JAZF1: variants seen among roughly 807,000 people sequenced by gnomAD.
The protein encoded by JAZF1 is JAZF zinc finger 1, also known as juxtaposed with another zinc finger protein 1.
Under a neutral mutation model 26.4 loss-of-function variants are expected in JAZF1, and 8 were observed. The ratio of observed to expected loss-of-function variants is 0.30; its 90% CI spans 0.18 to 0.55. The LOEUF is 0.55. Among genes scored for constraint, JAZF1 ranks in the 20% least tolerant of loss-of-function variants. The pLI, the probability that JAZF1 is intolerant of heterozygous loss-of-function variation, is 0.94. For missense variants in JAZF1, 199 were observed against 322.0 expected (o/e 0.62, Z 2.92); for synonymous variants, 126 against 122.3 (o/e 1.03, Z -0.20).
chr7:27,971,699 G>A (rs550101255), intron 2 of JAZF1, among the ~76,000 whole-genome samples: 52 of 152,178 alleles, frequency 3.4e-4, no homozygotes, highest in Non-Finnish European at 5.4e-4. Flanking sequence ...GATTACTGCC[G>A]GCAATCTGAA....
At chr7:27,875,776 A>T (rs1037521312) in intron 3 of JAZF1, among the ~76,000 whole-genome samples, 24 of 152,194 alleles carry the variant, frequency 1.6e-4, no homozygotes, top group Non-Finnish European at 2.8e-4. Context: ...ATCTCTGTAC[A>T]TTCATTAGGT....
At chr7:28,076,434 C>A (rs1784052447) in intron 1 of JAZF1, among the ~76,000 whole-genome samples, 1 of 152,088 alleles carries the variant, frequency 6.6e-6, no homozygotes, top group Non-Finnish European at 1.5e-5. Context: ...AGGTTCAATG[C>A]AGGCTAACCA....
intron 3 of JAZF1, among the ~76,000 whole-genome samples, chr7:27,884,638 G>A (rs950754222): frequency 6.6e-6 from 1 of 152,198 alleles, no homozygotes; most frequent in Admixed American, 6.5e-5. Flanking sequence ...GGCTTAACTT[G>A]CTCAGCATAA....
In JAZF1 at chr7:27,831,414, T is replaced by C. The variant is rs1035044845; in HGVS notation, c.*1386A>G. 4.4e-6 allele frequency: 1 copy of C among 228,334 alleles called. No homozygotes were observed. The highest frequency in any genetic ancestry group is 8.7e-6 in the Non-Finnish European group (1 of 114,786). 14.1% of individuals were successfully genotyped at this position (228,334 alleles called of 1,614,324 possible). ...TCTCAAAGCATTTTTTATTGCATTA[T>C]TAGGCAACTGGTAAACTCTCGTGTT... On this transcript the variant is annotated 3_prime_UTR_variant, in exon 5 of 5. Coordinates refer to ENST00000283928, the MANE Select transcript of JAZF1 (RefSeq NM_175061.4).
intron 1 of JAZF1, among the ~76,000 whole-genome samples, chr7:28,065,877 A>AT (rs1783873039): frequency 6.6e-6 from 1 of 152,254 alleles, no homozygotes; most frequent in African/African-American, 2.4e-5. Flanking sequence ...AACAGTGCGC[A>AT]TTTTAGACCT....
intron 3 of JAZF1, chr7:27,843,528 T>C (rs1029370648): frequency 3.3e-5 from 5 of 152,218 alleles, no homozygotes; most frequent in African/African-American, 1.2e-4. Flanking sequence ...TAAAATAAGA[T>C]GATCTTTAGA....
chr7:28,000,622 C>CTTTCTTTTT (rs1279333326), intron 1 of JAZF1, among the ~76,000 whole-genome samples: 2 of 62,072 alleles, frequency 3.2e-5, no homozygotes, highest in African/African-American at 8.2e-5. Context: ...TTCTTTCTTT[C>CTTTCTTTTT]TTTTTTTTTT....
chr7:28,179,558 G>T (rs1783601864), intron 1 of JAZF1, among the ~76,000 whole-genome samples: 1 of 151,682 alleles, frequency 6.6e-6, no homozygotes, highest in Non-Finnish European at 1.5e-5. Context: ...CCGGCCATGG[G>T]CCCTGGGGGT....
intron 1 of JAZF1, among the ~76,000 whole-genome samples, chr7:28,062,207 C>T (rs902323066): frequency 3.3e-5 from 5 of 152,170 alleles, no homozygotes; most frequent in Non-Finnish European, 5.9e-5. Flanking sequence ...TTAATAGCTG[C>T]TCTGTGATAA....
At chr7:28,124,866 C>T (rs983255914) in intron 1 of JAZF1, among the ~76,000 whole-genome samples, 7 of 152,156 alleles carry the variant, frequency 4.6e-5, no homozygotes, top group Non-Finnish European at 7.3e-5. Flanking sequence ...TGTTTAAATG[C>T]AACTACCCAG....
intron 1 of JAZF1, among the ~76,000 whole-genome samples, chr7:28,081,146 C>T (rs552688500): frequency 3.9e-5 from 6 of 152,266 alleles, no homozygotes; most frequent in Admixed American, 3.3e-4. Context: ...CTCAGGGCAG[C>T]GGGGGACATC....
chr7:27,832,897 C>T lies in JAZF1; in HGVS notation c.635G>A (p.Cys212Tyr). The change falls in exon 5 of 5, where the codon TGT becomes TAT. Residue 212 changes from cysteine (C) to tyrosine (Y), a missense_variant. Physicochemically the swap from Cys to Tyr is radical, Grantham distance 194. Transcript: ENST00000283928. ...IRVRKPFKCRCGKSYKTAQGL... is the reference protein window; with the variant it reads ...IRVRKPFKCRYGKSYKTAQGL... ...CTGAGCTGTCTTGTAACTCTTCCCA[C>T]AGCGACACTTGAATGGTTTGCGGAC... 1 of 1,613,640 alleles carries T rather than the reference C, an allele frequency of 6.2e-7. No homozygotes were observed. Among genetic ancestry groups the T allele is most frequent in the Non-Finnish European group, 8.5e-7 (1 of 1,179,816 alleles).
At chr7:27,837,609 G>T (rs563175098) in intron 4 of JAZF1, among the ~76,000 whole-genome samples, 1 of 152,296 alleles carries the variant, frequency 6.6e-6, no homozygotes, top group East Asian at 1.9e-4. Context: ...TATGAGGGGC[G>T]GAGAGGGGAG....
intron 3 of JAZF1, among the ~76,000 whole-genome samples, chr7:27,879,310 AG>A (rs534738610): frequency 1.6e-4 from 24 of 152,148 alleles, no homozygotes; most frequent in Non-Finnish European, 2.6e-4. Context: ...GCTAGCTTCA[AG>A]GGCATGGTTC....
chr7:28,100,412 C>CAT (rs953876835), intron 1 of JAZF1, among the ~76,000 whole-genome samples: 30 of 151,620 alleles, frequency 2.0e-4, no homozygotes, highest in Admixed American at 1.1e-3. Context: ...TCAGGTAGAG[C>CAT]ATATATATAT....
chr7:27,902,837 A>G (rs1429318689), intron 2 of JAZF1, among the ~76,000 whole-genome samples: 1 of 152,096 alleles, frequency 6.6e-6, no homozygotes, highest in Non-Finnish European at 1.5e-5. Flanking sequence ...TAACACAGTG[A>G]AACCCCATCT....
At chr7:27,899,348 A>G (rs1784126633) in intron 2 of JAZF1, among the ~76,000 whole-genome samples, 1 of 152,240 alleles carries the variant, frequency 6.6e-6, no homozygotes, top group South Asian at 2.1e-4. Flanking sequence ...GTTCAGGTTA[A>G]GCAAGTCATG....
chr7:27,905,008 A>C (rs981965662), intron 2 of JAZF1, among the ~76,000 whole-genome samples: 2 of 152,216 alleles, frequency 1.3e-5, no homozygotes, highest in African/African-American at 4.8e-5. Context: ...ATCACGGCTC[A>C]TTGCAGCCTT....
At chr7:28,002,740 A>G (rs543157180) in intron 1 of JAZF1, among the ~76,000 whole-genome samples, 47 of 151,996 alleles carry the variant, frequency 3.1e-4, no homozygotes, top group Non-Finnish European at 6.0e-4. Flanking sequence ...CCCAAGAGCT[A>G]TTTTCCCCCC....
Sources: gnomAD v4.1 joint callset for allele counts (sites outside exome capture counted in the v4.1 genomes callset) on GRCh38, gnomAD v4.1.1 for gene constraint, MANE v1.5 for transcripts, NCBI Gene and HGNC (gene_info 2026-07-23, HGNC 2026-07-21) for gene names.